The following MAP4K4 variants were observed in gnomAD, a reference collection of about 807,000 sequenced individuals.
MAP4K4 encodes the protein mitogen-activated protein kinase kinase kinase kinase 4, also known as HPK/GCK-like kinase HGK.
MAP4K4 carries 38 observed loss-of-function variants against 189.6 expected under a neutral mutation model. That is an observed-to-expected ratio of 0.20 (90% CI 0.15 to 0.26). The LOEUF (loss-of-function observed/expected upper bound fraction) is 0.26. Among genes scored for constraint, MAP4K4 ranks in the 10% least tolerant of loss-of-function variants. MAP4K4 has a pLI of 1.00. For missense variants in MAP4K4, 1,054 were observed against 1,726.9 expected (o/e 0.61, Z 6.91); for synonymous variants, 610 against 624.3 (o/e 0.98, Z 0.34).
intron 28 of MAP4K4, 119 bp downstream of exon 28, chr2:101,882,804 G>A (rs933158527): frequency 3.1e-5 from 32 of 1,017,658 alleles, no homozygotes; most frequent in South Asian, 1.2e-4. Context: ...TCTGAAACAC[G>A]TGGATCATTT....
chr2:101,799,346 A>C (rs1374493053), intron 3 of MAP4K4, among the ~76,000 whole-genome samples: 1 of 152,216 alleles, frequency 6.6e-6, no homozygotes, highest in Admixed American at 6.5e-5. Context: ...TATTAAAGAC[A>C]TTAAAGTATC....
intron 2 of MAP4K4, among the ~76,000 whole-genome samples, chr2:101,758,869 C>T (rs2074274460): frequency 1.3e-5 from 2 of 152,048 alleles, no homozygotes; most frequent in South Asian, 4.2e-4. Context: ...CGCGGTGGCT[C>T]ACGCCTGTAA....
At chr2:101,796,086 G>A (rs1439683179) in intron 3 of MAP4K4, among the ~76,000 whole-genome samples, 4 of 152,178 alleles carry the variant, frequency 2.6e-5, no homozygotes, top group African/African-American at 9.7e-5. Flanking sequence ...AGTGAATGAT[G>A]TTTGACTGCA....
exon 12 of MAP4K4, chr2:101,844,189 C>A: frequency 6.2e-7 from 1 of 1,610,228 alleles, no homozygotes; most frequent in Non-Finnish European, 8.5e-7. Context: ...CGAGGCTCTT[C>A]GGAGACAACA....
intron 4 of MAP4K4, 148 bp downstream of exon 4, chr2:101,824,201 G>C: frequency 2.7e-6 from 2 of 739,604 alleles, no homozygotes; most frequent in Non-Finnish European, 4.1e-6. Flanking sequence ...GGCTTCCTTG[G>C]CTTGTATCTG....
chr2:101,731,043 C>T (rs750959114), intron 2 of MAP4K4, among the ~76,000 whole-genome samples: 105 of 138,922 alleles, frequency 7.6e-4, no homozygotes, highest in African/African-American at 2.0e-3. Flanking sequence ...GAGACTGTCT[C>T]AAAAAAAAAA....
chr2:101,711,460 G>A (rs2045503093), intron 2 of MAP4K4, among the ~76,000 whole-genome samples: 1 of 152,076 alleles, frequency 6.6e-6, no homozygotes, highest in Admixed American at 6.5e-5. Context: ...TCACCGTGTT[G>A]ATGAGGCTGG....
At position 101,863,711 on chromosome 2, in the gene MAP4K4, C is replaced by A. The variant is rs148622754; in HGVS notation, c.1867-110C>A. ...CGTGGCTGACCTAACACTGTACCAC[C>A]CCGGTGTGTATTCCGCCTCTGCCAG... is the stretch of plus-strand genomic sequence containing the variant. On this transcript the variant is annotated intron_variant, in intron 16 of 32. Coordinates refer to ENST00000324219, the Ensembl canonical transcript of MAP4K4. 1.9e-3 allele frequency: 1,157 copies of A among 601,614 alleles called. 13 individuals carry two copies. The African/African-American group carries it at 0.02, about 11-fold the overall frequency. The allele number at this position is 601,614 out of a possible 1,614,324, so 37.3% of individuals were successfully genotyped here. A position where few individuals can be genotyped will look rare whatever the true frequency, so the allele number is the denominator to read the frequency against.
At chr2:101,846,142 A>G (rs374831917) in intron 12 of MAP4K4, among the ~76,000 whole-genome samples, 2 of 152,236 alleles carry the variant, frequency 1.3e-5, no homozygotes, top group Admixed American at 1.3e-4. Flanking sequence ...AGTAGGGACA[A>G]CTTCGCTGCT....
chr2:101,735,087 C>T (rs955541193), intron 2 of MAP4K4, among the ~76,000 whole-genome samples: 3 of 152,156 alleles, frequency 2.0e-5, no homozygotes, highest in African/African-American at 7.2e-5. Flanking sequence ...CACGAAAGCC[C>T]TTTATTTTCC....
exon 33 of MAP4K4, chr2:101,893,858 CTGG>C (rs1418196419): frequency 6.5e-6 from 1 of 152,734 alleles, no homozygotes; most frequent in Non-Finnish European, 1.5e-5. Flanking sequence ...GGTGGGCACT[CTGG>C]TGGTGTTTGT....
intron 3 of MAP4K4, among the ~76,000 whole-genome samples, chr2:101,791,973 A>G (rs2092950517): frequency 6.6e-6 from 1 of 152,322 alleles, no homozygotes; most frequent in South Asian, 2.1e-4. Flanking sequence ...GATGTAGACT[A>G]TTCTGTTGTA....
Position 101,706,418 on chromosome 2 carries a change from TA to T in MAP4K4, c.123+7883del, listed in dbSNP as rs1291687944. 2.0e-5 allele frequency among the ~76,000 whole-genome samples: 3 copies of T among 152,342 alleles called. No homozygotes were observed. In the South Asian group the frequency reaches 6.2e-4, roughly 32 times the overall value. On this transcript the variant is annotated intron_variant, in intron 2 of 32. Coordinates refer to ENST00000324219, the Ensembl canonical transcript of MAP4K4. ...ATGTAAATACCATTTATATGTGAGC[TA>T]AACAGTCTCATACGATTACATTTCC...
intron 3 of MAP4K4, among the ~76,000 whole-genome samples, chr2:101,791,811 C>T (rs1010473781): frequency 1.3e-5 from 2 of 152,188 alleles, no homozygotes; most frequent in Non-Finnish European, 2.9e-5. Context: ...GACCACAGGA[C>T]AACTGATAGA....
exon 3 of MAP4K4, chr2:101,790,763 T>C: frequency 6.2e-7 from 1 of 1,610,098 alleles, no homozygotes; most frequent in Non-Finnish European, 8.5e-7. Flanking sequence ...ATCAAAGTTA[T>C]GGATGTCACT....
chr2:101,759,268 T>G (rs2074522548), intron 2 of MAP4K4, among the ~76,000 whole-genome samples: 1 of 152,090 alleles, frequency 6.6e-6, no homozygotes, highest in Non-Finnish European at 1.5e-5. Flanking sequence ...CTTTCCTTGG[T>G]CATTTTTCTC....
At chr2:101,750,685 C>T (rs927431878) in intron 2 of MAP4K4, among the ~76,000 whole-genome samples, 10 of 151,550 alleles carry the variant, frequency 6.6e-5, no homozygotes, top group Non-Finnish European at 1.2e-4. Context: ...GTTAGCCAGG[C>T]GTGGTGGTGC....
At chr2:101,860,181 T>C in intron 15 of MAP4K4, 1 of 406,894 alleles carries the variant, frequency 2.5e-6, no homozygotes, top group Non-Finnish European at 4.6e-6. Flanking sequence ...AGTGGTCTGA[T>C]GAACTATTCT....
chr2:101,834,475 TC>T lies in MAP4K4; in HGVS notation c.694+13del, dbSNP rs761864515. ...AGAAGGTGCTCCCCGTAAGTAACTT[TC>T]TTTTCTTTTTAGCTCACTTGTTACA... On this transcript the variant is annotated intron_variant, in intron 8 of 32. Coordinates refer to ENST00000324219, the Ensembl canonical transcript of MAP4K4. 1 of 1,600,614 alleles carries T rather than the reference TC, an allele frequency of 6.2e-7. No individual in the cohort carries two copies. Among genetic ancestry groups the T allele is most frequent in the East Asian group, 2.2e-5 (1 of 44,710 alleles).
Sources: allele counts gnomAD v4.1 joint callset (sites outside exome capture counted in the v4.1 genomes callset), GRCh38; gene constraint gnomAD v4.1.1; transcripts MANE v1.5; gene names NCBI Gene and HGNC (gene_info 2026-07-23, HGNC 2026-07-21).